The following ANXA11 variants were observed in gnomAD, a reference collection of about 807,000 sequenced individuals.
The protein encoded by ANXA11 is annexin A11.
A neutral mutation model predicts 64.7 loss-of-function variants in ANXA11; 57 were observed. The observed-to-expected ratio is 0.88, with a 90% CI of 0.71 to 1.10. The LOEUF is 1.10. ANXA11 is among the 50% of genes least tolerant of loss of function. The pLI, the probability that ANXA11 is intolerant of heterozygous loss-of-function variation, is 0.00. For synonymous variants in ANXA11, 260 were observed against 265.2 expected (o/e 0.98, Z 0.19); for missense variants, 675 against 670.7 (o/e 1.01, Z -0.07).
At chr10:80,166,800 C>G in intron 7 of ANXA11, 90 bp downstream of exon 7, 2 of 1,013,182 alleles carry the variant, frequency 2.0e-6, no homozygotes, top group Non-Finnish European at 3.0e-6. Context: ...CCGGGAGATC[C>G]GGGCCCACCC....
At chr10:80,159,336 T>C in intron 12 of ANXA11, 141 bp from the exon 13 acceptor site, 1 of 670,104 alleles carries the variant, frequency 1.5e-6, no homozygotes, top group South Asian at 1.8e-5. Context: ...AGTTAAAACA[T>C]GCTGCTAGGG....
At chr10:80,189,599 C>T (rs1490664671) in intron 1 of ANXA11, among the ~76,000 whole-genome samples, 2 of 152,198 alleles carry the variant, frequency 1.3e-5, no homozygotes, top group African/African-American at 4.8e-5. Context: ...GGTCTTCAGA[C>T]CAGATGACTT....
In ANXA11 at chr10:80,164,231, C is replaced by T. The variant is rs1050272432; in HGVS notation, c.859-88G>A. 3.8e-6 allele frequency: 4 copies of T among 1,041,842 alleles called. No homozygotes were observed. The Admixed American group carries it at 7.8e-5, about 20-fold the overall frequency. 64.5% of individuals were successfully genotyped at this position (1,041,842 alleles called of 1,614,324 possible). A position where few individuals can be genotyped will look rare whatever the true frequency, so the allele number is the denominator to read the frequency against. On this transcript the variant is annotated intron_variant, in intron 8 of 15. Transcript: ENST00000422982. The stretch of plus-strand genomic sequence containing the variant: ...AAGAAGGGTGGGGGCTACGCTGCTG[C>T]CTTAATCCCAGCAACAGAGGCCCCT...
Position 80,166,148 on chromosome 10 carries a change from G to A in ANXA11, c.794C>T (p.Thr265Ile), listed in dbSNP as rs1316699033. Reference protein sequence around the residue: ...KSELSGNFEKTILALMKTPVL... With the variant: ...KSELSGNFEKIILALMKTPVL... ...TGGGGTCTTCATCAGAGCCAAGATT[G>A]TCTTCTCAAAGTTTCCTGACAGTTC... Residue 265 changes from threonine to isoleucine, a missense_variant, in exon 8 of 16, where the codon ACA becomes ATA. Coordinates refer to ENST00000422982, the MANE Select transcript of ANXA11 (RefSeq NM_145868.2). The A allele has an allele frequency of 1.9e-6, 3 of 1,613,196 alleles. No individual in the cohort carries two copies. The highest frequency in any genetic ancestry group is 2.5e-6 in the Non-Finnish European group (3 of 1,179,640).
intron 1 of ANXA11, among the ~76,000 whole-genome samples, chr10:80,202,835 C>T (rs893458138): frequency 2.0e-5 from 3 of 152,028 alleles, no homozygotes; most frequent in Non-Finnish European, 4.4e-5. Flanking sequence ...CACCTGAGGT[C>T]AGGAGTTCAA....
chr10:80,174,749 A>G (rs1444636436), intron 2 of ANXA11, among the ~76,000 whole-genome samples: 23 of 142,198 alleles, frequency 1.6e-4, no homozygotes, highest in South Asian at 4.5e-4. Flanking sequence ...GTAGAGATGG[A>G]GTTTCGCCAT....
chr10:80,170,991 AG>A, intron 3 of ANXA11, 76 bp from the exon 4 acceptor site: 1 of 1,523,714 alleles, frequency 6.6e-7, no homozygotes, highest in East Asian at 2.5e-5. Flanking sequence ...GAGAGCTCCC[AG>A]GTGGTCAGAA....
intron 1 of ANXA11, among the ~76,000 whole-genome samples, chr10:80,200,271 T>C (rs1394526012): frequency 6.6e-6 from 1 of 152,232 alleles, no homozygotes; most frequent in Non-Finnish European, 1.5e-5. Context: ...ATGGCTTGAA[T>C]GTCCTCTGAT....
intron 1 of ANXA11, among the ~76,000 whole-genome samples, chr10:80,184,469 T>C (rs1436818108): frequency 6.6e-6 from 1 of 152,176 alleles, no homozygotes; most frequent in Admixed American, 6.5e-5. Context: ...CTGAAAGTGA[T>C]GTAACCCCAT....
intron 15 of ANXA11, among the ~76,000 whole-genome samples, 190 bp from the exon 16 acceptor site, chr10:80,156,102 C>T (rs1255379035): frequency 2.0e-5 from 3 of 152,156 alleles, no homozygotes; most frequent in African/African-American, 7.2e-5. Context: ...TCCAGGCCCC[C>T]ATCAGAAGAC....
At chr10:80,163,657 A>G (rs1424886956) in intron 9 of ANXA11, 44 bp from the exon 10 acceptor site, 5 of 1,518,676 alleles carry the variant, frequency 3.3e-6, no homozygotes, top group Non-Finnish European at 4.5e-6. Flanking sequence ...AGCTCTCTTT[A>G]TGGAGCTGCC....
In ANXA11 at chr10:80,153,242, C is replaced by G. The variant is rs554443759; in HGVS notation, c.*2611G>C. 1 of 152,254 alleles carries G rather than the reference C, an allele frequency of 6.6e-6. No homozygotes were observed. The highest frequency in any genetic ancestry group is 2.1e-4 in the South Asian group (1 of 4,828). The allele number at this position is 152,254 out of a possible 1,614,324, so 9.4% of individuals were successfully genotyped here. ...GCCTATAGCAAATAAGGAGTACAGG[C>G]CTAAAGGGGCAGCTGCAACTCAGCT... On this transcript the variant is annotated 3_prime_UTR_variant, in exon 16 of 16. Coordinates refer to ENST00000422982, the MANE Select transcript of ANXA11 (RefSeq NM_145868.2).
intron 3 of ANXA11, among the ~76,000 whole-genome samples, chr10:80,172,166 TC>T (rs1172579081): frequency 3.3e-5 from 5 of 152,132 alleles, no homozygotes; most frequent in African/African-American, 9.7e-5. Context: ...CCCTCATATT[TC>T]CTTTCCCACA....
intron 11 of ANXA11, among the ~76,000 whole-genome samples, 184 bp downstream of exon 11, chr10:80,163,165 C>T (rs1028701798): frequency 1.3e-5 from 2 of 151,806 alleles, no homozygotes; most frequent in Non-Finnish European, 2.9e-5. Flanking sequence ...AGCTGAAGCC[C>T]TGGAGGTCAG....
In ANXA11 at chr10:80,156,197, G is replaced by A. The variant is rs141465668; in HGVS notation, c.1459-285C>T. 8.7e-4 allele frequency among the ~76,000 whole-genome samples: 132 copies of A among 152,262 alleles called. 1 individual carries two copies. The highest frequency in any genetic ancestry group is 2.8e-3 in the African/African-American group (118 of 41,538). Reference sequence around the variant, plus strand: ...AATCATCCTAAAAACCACTTCCCAGGGCTAACCAATATTGCTGTTTTCCCA... The same window carrying A: ...AATCATCCTAAAAACCACTTCCCAGAGCTAACCAATATTGCTGTTTTCCCA... On this transcript the variant is annotated intron_variant, in intron 15 of 15. Coordinates refer to ENST00000422982, the MANE Select transcript of ANXA11 (RefSeq NM_145868.2).
chr10:80,163,363 G>C lies in ANXA11; in HGVS notation c.1072C>G (p.Gln358Glu). The change falls in exon 11 of 16, where the codon CAG becomes GAG. Residue 358 changes from glutamine to glutamate, a missense_variant. Coordinates refer to ENST00000422982, the MANE Select transcript of ANXA11 (RefSeq NM_145868.2). ...ESTNVDMSLA[Q>E]RDAQELYAAG... ...ATCACACTCACCTGGGCATCTCTCT[G>C]GGCGAGTGACATGTCCACGTTTGTG... 6.2e-7 allele frequency: 1 copy of C among 1,613,486 alleles called. No individual in the cohort carries two copies.
At chr10:80,203,699 C>A (rs556153468) in intron 1 of ANXA11, among the ~76,000 whole-genome samples, 1 of 152,290 alleles carries the variant, frequency 6.6e-6, no homozygotes, top group Admixed American at 6.5e-5. Context: ...CGAGTCAGTG[C>A]CAGAAGGGCT....
upstream of ANXA11, chr10:80,205,596 C>CA (rs1840647251): frequency 6.6e-6 from 1 of 151,970 alleles, no homozygotes; most frequent in Non-Finnish European, 1.5e-5. Flanking sequence ...GGCCTGAGCG[C>CA]GGCCCCGCCC....
chr10:80,163,648 G>C, intron 9 of ANXA11, 35 bp from the exon 10 acceptor site: 5 of 1,538,092 alleles, frequency 3.3e-6, no homozygotes, highest in Admixed American at 2.0e-5. Flanking sequence ...CCATCCTGTA[G>C]CTCTCTTTAT....
Sources: allele counts gnomAD v4.1 joint callset (sites outside exome capture counted in the v4.1 genomes callset), GRCh38; gene constraint gnomAD v4.1.1; transcripts MANE v1.5; gene names NCBI Gene and HGNC (gene_info 2026-07-23, HGNC 2026-07-21).